Variants in LACTB2 observed in about 807,000 individuals in gnomAD.
LACTB2 encodes the protein endoribonuclease LACTB2.
Under a neutral mutation model 34.8 loss-of-function variants are expected in LACTB2, and 32 were observed. That is an observed-to-expected ratio of 0.92 (90% CI 0.69 to 1.24). LACTB2 has a LOEUF of 1.24. LACTB2 is among the 50% of genes most tolerant of loss of function. The pLI is 0.00. For missense variants in LACTB2, 320 were observed against 345.0 expected, an observed-to-expected ratio of 0.93 and a Z score of 0.57; for synonymous variants, 120 against 117.5, an observed-to-expected ratio of 1.02 and a Z score of -0.14.
intron 2 of LACTB2, chr8:70,660,853 C>T (rs1445790961): frequency 1.8e-5 from 8 of 456,002 alleles, no homozygotes; most frequent in Non-Finnish European, 3.1e-5. Context: ...TATTGGCTTA[C>T]TGCAGCCTCA....
At chr8:70,664,963 A>AG (rs1172722430) in intron 1 of LACTB2, among the ~76,000 whole-genome samples, 1 of 152,204 alleles carries the variant, frequency 6.6e-6, no homozygotes, top group Non-Finnish European at 1.5e-5. Context: ...CTCTAGCAGA[A>AG]GGGGATTGCT....
intron 3 of LACTB2, among the ~76,000 whole-genome samples, chr8:70,649,439 C>A (rs1343950358): frequency 6.6e-6 from 1 of 152,156 alleles, no homozygotes; most frequent in African/African-American, 2.4e-5. Flanking sequence ...GTGATAAATA[C>A]ACAGAAAACT....
chr8:70,667,053 A>G (rs1818539078), intron 1 of LACTB2, among the ~76,000 whole-genome samples: 1 of 152,234 alleles, frequency 6.6e-6, no homozygotes, highest in South Asian at 2.1e-4. Flanking sequence ...CTAGGTAGAG[A>G]ATACAGTAGA....
At chr8:70,639,416 T>G (rs987965205) in intron 5 of LACTB2, among the ~76,000 whole-genome samples, 2 of 152,038 alleles carry the variant, frequency 1.3e-5, no homozygotes, top group African/African-American at 4.8e-5. Flanking sequence ...CGCCTCGGCC[T>G]CCCAAAGTGC....
chr8:70,660,330 C>T (rs1818465867), intron 2 of LACTB2: 1 of 298,122 alleles, frequency 3.4e-6, no homozygotes, highest in African/African-American at 2.2e-5. Context: ...AGAGGTAAGA[C>T]AAGAGAAGGA....
At chr8:70,660,484 C>T in intron 2 of LACTB2, 1 of 386,974 alleles carries the variant, frequency 2.6e-6, no homozygotes, top group South Asian at 1.9e-5. Context: ...CTGAGATGTC[C>T]CAATTGTAGT....
intron 3 of LACTB2, among the ~76,000 whole-genome samples, chr8:70,656,394 G>A (rs1216327291): frequency 6.6e-6 from 1 of 152,112 alleles, no homozygotes; most frequent in East Asian, 1.9e-4. Flanking sequence ...TTCATTCTCT[G>A]TATGTGGCTA....
intron 3 of LACTB2, among the ~76,000 whole-genome samples, chr8:70,656,231 C>T (rs1213281477): frequency 2.6e-5 from 4 of 152,090 alleles, no homozygotes; most frequent in East Asian, 3.8e-4. Context: ...CATTTGCTTT[C>T]GGGTTCTTGG....
At position 70,637,812 on chromosome 8, in the gene LACTB2, T is replaced by C. The variant is rs1818142150; in HGVS notation, c.*48A>G. 1.7e-6 allele frequency: 2 copies of C among 1,203,574 alleles called. No individual in the cohort carries two copies. Among genetic ancestry groups the C allele is most frequent in the Non-Finnish European group, 2.4e-6 (2 of 844,540 alleles). 74.6% of individuals were successfully genotyped at this position (1,203,574 alleles called of 1,614,324 possible). On this transcript the variant is annotated 3_prime_UTR_variant, in exon 7 of 7. Transcript: ENST00000276590. ...AAAATAACCTATAGTTAAGAAAACATACCATTCTCTGAAAGCAAAATAAAA... is the reference window on the plus strand; with the variant it reads ...AAAATAACCTATAGTTAAGAAAACACACCATTCTCTGAAAGCAAAATAAAA...
intron 1 of LACTB2, among the ~76,000 whole-genome samples, chr8:70,666,795 C>CA (rs1818536853): frequency 6.6e-6 from 1 of 152,146 alleles, no homozygotes. Flanking sequence ...GGTATTTAGG[C>CA]ATTTCCTTTG....
intron 3 of LACTB2, among the ~76,000 whole-genome samples, chr8:70,657,104 C>T (rs560755484): frequency 1.2e-4 from 19 of 152,136 alleles, no homozygotes; most frequent in East Asian, 7.7e-4. Flanking sequence ...GAGGTATGAT[C>T]GGTCAGGCCT....
At chr8:70,641,179 G>C in intron 4 of LACTB2, 129 bp from the exon 5 acceptor site, 1 of 843,932 alleles carries the variant, frequency 1.2e-6, no homozygotes, top group Non-Finnish European at 1.7e-6. Flanking sequence ...TGTCAAATAT[G>C]AACTATTTGG....
At chr8:70,667,280 T>G (rs927389533) in intron 1 of LACTB2, among the ~76,000 whole-genome samples, 1 of 152,166 alleles carries the variant, frequency 6.6e-6, no homozygotes, top group Non-Finnish European at 1.5e-5. Flanking sequence ...TTGGGGTTAG[T>G]GATACAAAAG....
Position 70,647,829 on chromosome 8 carries a change from C to T in LACTB2, c.414-3586G>A, listed in dbSNP as rs954560502. Among the ~76,000 whole-genome samples, 3 of 152,116 alleles carry T rather than the reference C, an allele frequency of 2.0e-5. No individual in the cohort carries two copies. The South Asian group carries it at 6.2e-4, about 32-fold the overall frequency. ...AAGTCTTTTTAGCAAACATTCAGAT[C>T]CTCAAGAGTCTCTTCCCACTTTGAG... On this transcript the variant is annotated intron_variant, in intron 3 of 6. Transcript: ENST00000276590.
At chr8:70,668,923 G>A in intron 1 of LACTB2, 76 bp downstream of exon 1, 6 of 1,534,906 alleles carry the variant, frequency 3.9e-6, no homozygotes, top group Admixed American at 2.0e-5. Flanking sequence ...TCCACTGCCC[G>A]CGCAGCCGCG....
intron 4 of LACTB2, among the ~76,000 whole-genome samples, 176 bp from the exon 5 acceptor site, chr8:70,641,226 AC>A (rs1818193766): frequency 6.6e-6 from 1 of 152,238 alleles, no homozygotes; most frequent in Non-Finnish European, 1.5e-5. Context: ...AAAATTATAT[AC>A]AATACCCCCC....
chr8:70,642,316 GC>G (rs1262126725), intron 4 of LACTB2, among the ~76,000 whole-genome samples: 3 of 152,138 alleles, frequency 2.0e-5, no homozygotes, highest in African/African-American at 7.2e-5. Context: ...TAAATGCCCA[GC>G]TCTACCGTAT....
At chr8:70,656,286 T>C (rs1818410556) in intron 3 of LACTB2, among the ~76,000 whole-genome samples, 1 of 152,194 alleles carries the variant, frequency 6.6e-6, no homozygotes, top group South Asian at 2.1e-4. Flanking sequence ...GTTTTGCCAA[T>C]GTTATCTTCT....
intron 2 of LACTB2, among the ~76,000 whole-genome samples, chr8:70,659,607 G>GT (rs1239727987): frequency 5.3e-5 from 8 of 151,936 alleles, no homozygotes. Flanking sequence ...AGATATTGAG[G>GT]TTTTTTTGTT....
Sources: gnomAD v4.1 joint callset for allele counts (sites outside exome capture counted in the v4.1 genomes callset) on GRCh38, gnomAD v4.1.1 for gene constraint, MANE v1.5 for transcripts, NCBI Gene and HGNC (gene_info 2026-07-23, HGNC 2026-07-21) for gene names.